COL11A1: variants seen among roughly 807,000 people sequenced by gnomAD.
COL11A1 encodes collagen alpha-1(XI) chain.
COL11A1 carries 74 observed loss-of-function variants against 265.2 expected under a neutral mutation model. That is an observed-to-expected ratio of 0.28 (90% confidence interval 0.23 to 0.34). The LOEUF is 0.34. COL11A1 is among the 10% of genes least tolerant of loss of function. COL11A1 has a pLI of 1.00. For synonymous variants in COL11A1, 816 were observed against 727.6 expected, an observed-to-expected ratio of 1.12 and a Z score of -1.96; for missense variants, 2,165 against 2,263.6, an observed-to-expected ratio of 0.96 and a Z score of 0.88.
chr1:103,041,800 C>A (rs1668830935), intron 4 of COL11A1, among the ~76,000 whole-genome samples: 1 of 151,898 alleles, frequency 6.6e-6, no homozygotes, highest in Admixed American at 6.6e-5. Flanking sequence ...ATCTGTTGAA[C>A]AGTAAACGAT....
chr1:102,888,687 A>G, intron 61 of COL11A1, 36 bp downstream of exon 61: 1 of 1,613,732 alleles, frequency 6.2e-7, no homozygotes, highest in Non-Finnish European at 8.5e-7. Flanking sequence ...ATAGGTTTCA[A>G]TGCAAAATTA....
chr1:102,941,057 G>T (rs937691942), intron 42 of COL11A1, among the ~76,000 whole-genome samples: 1 of 151,890 alleles, frequency 6.6e-6, no homozygotes. Context: ...CATCAGTTTT[G>T]CACAAGATAA....
intron 31 of COL11A1, among the ~76,000 whole-genome samples, chr1:102,983,085 C>A (rs1464826055): frequency 1.3e-5 from 2 of 152,032 alleles, no homozygotes; most frequent in African/African-American, 2.4e-5. Flanking sequence ...TATTAATTCA[C>A]TTAACAGGCT....
intron 1 of COL11A1, among the ~76,000 whole-genome samples, chr1:103,097,671 T>G (rs1054041116): frequency 6.6e-6 from 1 of 152,022 alleles, no homozygotes; most frequent in Non-Finnish European, 1.5e-5. Context: ...TATAATGAGC[T>G]TTTAACCTGT....
At chr1:102,895,462 C>G (rs1652301137) in intron 57 of COL11A1, among the ~76,000 whole-genome samples, 1 of 152,056 alleles carries the variant, frequency 6.6e-6, no homozygotes, top group African/African-American at 2.4e-5. Flanking sequence ...TTACAGGCAG[C>G]TTCTAGAAGG....
chr1:102,976,450 C>G (rs1166694812), intron 35 of COL11A1, among the ~76,000 whole-genome samples: 5 of 151,906 alleles, frequency 3.3e-5, no homozygotes, highest in Non-Finnish European at 7.4e-5. Context: ...AGGCACCCAC[C>G]ACCATGCCCA....
intron 42 of COL11A1, 76 bp downstream of exon 42, chr1:102,946,773 G>T: frequency 8.5e-7 from 1 of 1,170,088 alleles, no homozygotes; most frequent in Non-Finnish European, 1.3e-6. Context: ...TGTATGAAAA[G>T]CTAATATTAT....
At chr1:103,094,540 C>T (rs1235862951) in intron 1 of COL11A1, among the ~76,000 whole-genome samples, 1 of 152,016 alleles carries the variant, frequency 6.6e-6, no homozygotes, top group Non-Finnish European at 1.5e-5. Flanking sequence ...CTCCTGCCTC[C>T]CCTTCCACTT....
intron 4 of COL11A1, among the ~76,000 whole-genome samples, chr1:103,069,945 C>T (rs1046039629): frequency 6.6e-6 from 1 of 151,880 alleles, no homozygotes; most frequent in East Asian, 1.9e-4. Context: ...AACTCTCATA[C>T]ACTGCTGAAG....
At chr1:103,048,686 ATGT>A (rs1335766406) in intron 4 of COL11A1, among the ~76,000 whole-genome samples, 1 of 151,762 alleles carries the variant, frequency 6.6e-6, no homozygotes, top group East Asian at 1.9e-4. Context: ...TTTAATTGTG[ATGT>A]TAGGGTGTCA....
chr1:102,949,539 A>T (rs959781162), intron 41 of COL11A1, among the ~76,000 whole-genome samples: 2 of 152,206 alleles, frequency 1.3e-5, no homozygotes, highest in Non-Finnish European at 2.9e-5. Flanking sequence ...AATCAACAAA[A>T]GTTTGAAGTC....
chr1:102,945,486 A>G (rs1222160141), intron 42 of COL11A1, among the ~76,000 whole-genome samples: 2 of 152,206 alleles, frequency 1.3e-5, no homozygotes, highest in Non-Finnish European at 2.9e-5. Flanking sequence ...AATATCACAG[A>G]ATAATCAGAG....
rs144614278 is a variant in COL11A1, at chr1:102,978,604, T to C, written c.2754+104A>G. 1.2e-4 allele frequency: 142 copies of C among 1,202,982 alleles called. No individual in the cohort carries two copies. In the African/African-American group the frequency reaches 1.9e-3, roughly 16 times the overall value. The allele number at this position is 1,202,982 out of a possible 1,614,324, so 74.5% of individuals were successfully genotyped here. ...TTAAATTCAGACTAGATTTTGTGGA[T>C]AGACATGCACATGTATTAGCAGACA... On this transcript the variant is annotated intron_variant, in intron 35 of 66. Coordinates refer to ENST00000370096, the MANE Select transcript of COL11A1 (RefSeq NM_001854.4).
chr1:103,009,400 G>A (rs375194027), intron 14 of COL11A1, among the ~76,000 whole-genome samples: 104 of 152,106 alleles, frequency 6.8e-4, no homozygotes, highest in African/African-American at 2.4e-3. Flanking sequence ...GGTGCCAAGA[G>A]CAAAACTCCA....
chr1:102,989,491 A>G (rs765190478), intron 29 of COL11A1, 27 bp downstream of exon 29: 3 of 1,492,380 alleles, frequency 2.0e-6, no homozygotes, highest in Non-Finnish European at 2.8e-6. Context: ...AATTTTGTGT[A>G]CTGGTGTACA....
intron 47 of COL11A1, among the ~76,000 whole-genome samples, 186 bp from the exon 48 acceptor site, chr1:102,921,757 T>G (rs1236958953): frequency 6.6e-6 from 1 of 152,190 alleles, no homozygotes; most frequent in Admixed American, 6.5e-5. Context: ...CCTTTACACA[T>G]AGCTATGAGG....
chr1:102,914,219 C>T (rs1033776718), intron 52 of COL11A1, 133 bp downstream of exon 52: 4 of 761,540 alleles, frequency 5.3e-6, no homozygotes, highest in Non-Finnish European at 8.8e-6. Context: ...TTTGCAATTA[C>T]TTTTTATGTT....
At chr1:102,928,693 T>C (rs1436891416) in intron 46 of COL11A1, among the ~76,000 whole-genome samples, 2 of 148,222 alleles carry the variant, frequency 1.3e-5, no homozygotes, top group East Asian at 2.0e-4. Flanking sequence ...ATGGTTGAAC[T>C]AGTGTACAGT....
chr1:102,895,913 G>A (rs1366900219), intron 57 of COL11A1, among the ~76,000 whole-genome samples: 1 of 150,902 alleles, frequency 6.6e-6, no homozygotes, highest in South Asian at 2.1e-4. Context: ...ACTTGCATAA[G>A]GTTTATTGAT....
Sources: allele counts gnomAD v4.1 joint callset (sites outside exome capture counted in the v4.1 genomes callset), GRCh38; gene constraint gnomAD v4.1.1; transcripts MANE v1.5; gene names NCBI Gene and HGNC (gene_info 2026-07-23, HGNC 2026-07-21).